The following ZFHX3 variants were observed in gnomAD, a reference collection of about 807,000 sequenced individuals.
ZFHX3 encodes the protein zinc finger homeobox protein 3.
In ZFHX3, 42 loss-of-function variants were observed where a neutral mutation model predicts 279.1. The ratio of observed to expected loss-of-function variants is 0.15; its 90% confidence interval spans 0.12 to 0.19. ZFHX3 has a LOEUF of 0.19. Among genes scored for constraint, ZFHX3 ranks in the 10% least tolerant of loss-of-function variants. The probability of loss-of-function intolerance (pLI) is 1.00; values close to 1 mark genes in which losing one functional copy is unlikely to be tolerated. For missense variants in ZFHX3, 4,981 were observed against 4,754.0 expected, an observed-to-expected ratio of 1.05 and a Z score of -1.40; for synonymous variants, 2,293 against 1,957.8, an observed-to-expected ratio of 1.17 and a Z score of -4.52.
At chr16:73,018,705 T>C (rs975440481) in intron 1 of ZFHX3, among the ~76,000 whole-genome samples, 1 of 152,232 alleles carries the variant, frequency 6.6e-6, no homozygotes, top group Non-Finnish European at 1.5e-5. Flanking sequence ...TATCATACTC[T>C]CTTCACTCTG....
intron 2 of ZFHX3, among the ~76,000 whole-genome samples, chr16:73,462,383 T>C (rs1004879641): frequency 1.3e-5 from 2 of 152,180 alleles, no homozygotes; most frequent in African/African-American, 4.8e-5. Context: ...TTTTCTTCCT[T>C]TCTTATCTGT....
At chr16:73,385,286 G>A (rs1431702259) in intron 3 of ZFHX3, among the ~76,000 whole-genome samples, 1 of 152,070 alleles carries the variant, frequency 6.6e-6, no homozygotes, top group African/African-American at 2.4e-5. Context: ...AAAAAATTCA[G>A]ATAGGAAAAA....
At position 73,185,040 on chromosome 16, in the gene ZFHX3, T is replaced by C. The variant is rs375729211; in HGVS notation, c.-1103-41209A>G. 8.6e-5 allele frequency among the ~76,000 whole-genome samples: 13 copies of C among 151,820 alleles called. No individual in the cohort carries two copies. The South Asian group carries it at 1.7e-3, about 19-fold the overall frequency. ...TCACCCAGGCTGGAGTGTAGTGCTA[T>C]CATCATAGCTCACTGCAGCCTTGAC... On this transcript the variant is annotated intron_variant, in intron 5 of 17. Coordinates refer to the ZFHX3 transcript ENST00000641206.
intron 5 of ZFHX3, among the ~76,000 whole-genome samples, chr16:73,223,597 G>A (rs2012494945): frequency 6.6e-6 from 1 of 152,144 alleles, no homozygotes; most frequent in Non-Finnish European, 1.5e-5. Context: ...CTCATTTACT[G>A]CTGATGGGAA....
intron 9 of ZFHX3, chr16:72,790,130 C>A (rs1567510285): frequency 6.6e-6 from 1 of 152,292 alleles, no homozygotes; most frequent in East Asian, 1.9e-4. Flanking sequence ...TCACCAGGTC[C>A]AAGGTAATGC....
At chr16:72,933,191 T>C (rs1959915240) in intron 3 of ZFHX3, among the ~76,000 whole-genome samples, 1 of 152,180 alleles carries the variant, frequency 6.6e-6, no homozygotes, top group African/African-American at 2.4e-5. Flanking sequence ...TCTCCCGCAG[T>C]AGCTTGAGCG....
At chr16:73,697,420 C>A (rs551427257) in intron 1 of ZFHX3, among the ~76,000 whole-genome samples, 18 of 152,200 alleles carry the variant, frequency 1.2e-4, no homozygotes, top group African/African-American at 4.1e-4. Context: ...CATATATTGA[C>A]CTGTCACTCA....
chr16:73,136,013 A>G (rs574025603), intron 6 of ZFHX3, among the ~76,000 whole-genome samples: 16 of 152,244 alleles, frequency 1.1e-4, no homozygotes, highest in Non-Finnish European at 2.4e-4. Context: ...ACACGCCACC[A>G]TGCCCAGCTA....
At chr16:73,053,743 A>ACT (rs1965492921) in intron 1 of ZFHX3, among the ~76,000 whole-genome samples, 1 of 151,642 alleles carries the variant, frequency 6.6e-6, no homozygotes, top group Non-Finnish European at 1.5e-5. Context: ...TTAGGAGCAC[A>ACT]CTCCCCCTTC....
chr16:73,377,131 C>T (rs1380044887), intron 3 of ZFHX3, among the ~76,000 whole-genome samples: 1 of 152,092 alleles, frequency 6.6e-6, no homozygotes, highest in Non-Finnish European at 1.5e-5. Flanking sequence ...GCCACCATGC[C>T]TAGCTAATTT....
chr16:72,950,640 C>T lies in ZFHX3; in HGVS notation c.3045G>A (p.Val1015=), dbSNP rs1960943985. The T allele has an allele frequency of 6.2e-7, 1 of 1,614,086 alleles. No homozygotes were observed. The highest frequency in any genetic ancestry group is 1.3e-5 in the African/African-American group (1 of 74,922). The change falls in exon 3 of 10, where the codon GTG becomes GTA. Residue 1015 remains valine (V), a synonymous_variant. Coordinates refer to ENST00000268489, the MANE Select transcript of ZFHX3 (RefSeq NM_006885.4). ...TDKHVQKYQL[V]AHIKEGGKAN... is the part of the protein sequence containing the mutation. ...CCTTGCCGCCCTCCTTGATGTGGGC[C>T]ACCAGCTGGTACTTCTGCACGTGCT... is the stretch of plus-strand genomic sequence containing the variant.
At chr16:72,888,575 A>G (rs2144065155) in intron 4 of ZFHX3, among the ~76,000 whole-genome samples, 1 of 152,342 alleles carries the variant, frequency 6.6e-6, no homozygotes, top group Middle Eastern at 3.4e-3. Context: ...GCTGAGAACC[A>G]CCAGCCAGAG....
Position 72,797,516 on chromosome 16 carries a change from C to G in ZFHX3, c.5166G>C (p.Arg1722Ser), listed in dbSNP as rs371713350. The change falls in exon 9 of 10, where the codon AGG becomes AGC. Residue 1722 changes from arginine (R) to serine (S), a missense_variant. Around this residue, in one of 7 missense-constraint regions of ZFHX3, gnomAD observed 1,751 missense variants for 1,770.0 expected, o/e 0.99. Transcript: ENST00000268489. ...RKKLADMIAS[R>S]QQQQQQQQQQ... Reference sequence around the variant, plus strand: ...GTTGCTGCTGCTGTTGTTGCTGCTGCCTGGATGCAATCATATCTGCCAGTT... The same window carrying G: ...GTTGCTGCTGCTGTTGTTGCTGCTGGCTGGATGCAATCATATCTGCCAGTT... The G allele has an allele frequency of 6.4e-5, 104 of 1,613,730 alleles. No individual in the cohort carries two copies. Among genetic ancestry groups the G allele is most frequent in the Non-Finnish European group, 8.6e-5 (101 of 1,179,942 alleles).
At chr16:73,741,189 C>T (rs1242753079) in intron 1 of ZFHX3, among the ~76,000 whole-genome samples, 3 of 151,934 alleles carry the variant, frequency 2.0e-5, no homozygotes, top group Non-Finnish European at 4.4e-5. Context: ...TGCCACGACG[C>T]CCAGCTAATT....
Position 72,787,754 on chromosome 16 carries a change from C to CGCG in ZFHX3, c.10521_10522insCGC (p.Gly3507_Gly3508insArg), listed in dbSNP as rs2035489858. 1 of 1,422,706 alleles carries CGCG rather than the reference C, an allele frequency of 7.0e-7. No individual in the cohort carries two copies. Among genetic ancestry groups the CGCG allele is most frequent in the Non-Finnish European group, 9.2e-7 (1 of 1,086,536 alleles). 88.1% of individuals were successfully genotyped at this position (1,422,706 alleles called of 1,614,324 possible). A position where few individuals can be genotyped will look rare whatever the true frequency, so the allele number is the denominator to read the frequency against. Reference sequence around the variant, plus strand: ...CCGCCGCCACTGCCACCGCCGCCGCCGCCGGTGGGGACGTGAAGCACCATC... The same window carrying CGCG: ...CCGCCGCCACTGCCACCGCCGCCGCCGCGGCCGGTGGGGACGTGAAGCACCATC... On this transcript the variant is annotated inframe_insertion, in exon 10 of 10. Transcript: ENST00000268489.
chr16:73,569,883 G>T (rs2051716511), intron 2 of ZFHX3, among the ~76,000 whole-genome samples: 1 of 151,516 alleles, frequency 6.6e-6, no homozygotes, highest in Non-Finnish European at 1.5e-5. Flanking sequence ...GAAAGTAAAA[G>T]AACAAACTGA....
At chr16:72,916,706 T>C (rs1567582393) in intron 3 of ZFHX3, among the ~76,000 whole-genome samples, 1 of 152,162 alleles carries the variant, frequency 6.6e-6, no homozygotes, top group African/African-American at 2.4e-5. Context: ...GAGAACTTCA[T>C]GTATGATATA....
chr16:73,043,434 A>G (rs147109431), intron 1 of ZFHX3, among the ~76,000 whole-genome samples: 3 of 152,258 alleles, frequency 2.0e-5, no homozygotes, highest in Non-Finnish European at 4.4e-5. Flanking sequence ...CAAACTTTCT[A>G]TGTCTCCCTC....
At chr16:73,543,942 C>CAAGAGAGAGAAGGG (rs1174573734) in intron 2 of ZFHX3, 5 of 147,022 alleles carry the variant, frequency 3.4e-5, no homozygotes, top group African/African-American at 1.3e-4. Context: ...GAGAAAGGTA[C>CAAGAGAGAGAAGGG]AAGAGAGAGA....
Sources: allele counts gnomAD v4.1 joint callset (sites outside exome capture counted in the v4.1 genomes callset), GRCh38; gene constraint gnomAD v4.1.1; regional missense constraint gnomAD v4.1.1; transcripts MANE v1.5; gene names NCBI Gene and HGNC (gene_info 2026-07-23, HGNC 2026-07-21).